Variants in PRKCH observed in about 807,000 individuals in gnomAD.
The protein encoded by PRKCH is protein kinase C eta.
In PRKCH, 28 loss-of-function variants were observed where a neutral mutation model predicts 82.5. The observed-to-expected ratio is 0.34, with a 90% CI of 0.25 to 0.47. The LOEUF (loss-of-function observed/expected upper bound fraction) is 0.47. Ranked by LOEUF, PRKCH falls within the 20% of genes least tolerant of loss-of-function variation. The pLI is 1.00. For missense variants in PRKCH, 705 were observed against 881.8 expected (o/e 0.80, Z 2.54); for synonymous variants, 322 against 327.4 (o/e 0.98, Z 0.18).
intron 1 of PRKCH, among the ~76,000 whole-genome samples, chr14:61,338,664 A>G (rs1040664692): frequency 6.6e-6 from 1 of 152,190 alleles, no homozygotes; most frequent in Non-Finnish European, 1.5e-5. Flanking sequence ...AACAAGATCT[A>G]GGTACAACTG....
At chr14:61,189,377 A>T (rs543343777) in intron 1 of PRKCH, among the ~76,000 whole-genome samples, 23 of 132,690 alleles carry the variant, frequency 1.7e-4, no homozygotes, top group Non-Finnish European at 3.0e-4. Flanking sequence ...CAAAGGGGGG[A>T]TGGAAGTGTG....
intron 1 of PRKCH, among the ~76,000 whole-genome samples, chr14:61,263,666 C>G (rs560918920): frequency 2.0e-5 from 3 of 152,132 alleles, no homozygotes; most frequent in South Asian, 2.1e-4. Context: ...TATATATAAG[C>G]ATAAATGTCT....
intron 6 of PRKCH, among the ~76,000 whole-genome samples, chr14:61,452,169 C>T (rs1884541696): frequency 6.6e-6 from 1 of 152,142 alleles, no homozygotes; most frequent in Non-Finnish European, 1.5e-5. Context: ...CCTTTATGGT[C>T]ACTTGGTGGT....
intron 1 of PRKCH, among the ~76,000 whole-genome samples, chr14:61,291,214 C>T (rs528923338): frequency 1.3e-5 from 2 of 151,952 alleles, no homozygotes; most frequent in East Asian, 1.9e-4. Context: ...GGTATATGTG[C>T]ATAAGTTTTA....
chr14:61,208,888 G>A (rs1384289738), intron 1 of PRKCH, among the ~76,000 whole-genome samples: 2 of 152,142 alleles, frequency 1.3e-5, no homozygotes, highest in African/African-American at 4.8e-5. Flanking sequence ...GCCTTTGGGG[G>A]ATAATTAGGT....
chr14:61,488,436 A>T (rs989066816), intron 10 of PRKCH, among the ~76,000 whole-genome samples: 4 of 152,178 alleles, frequency 2.6e-5, no homozygotes, highest in African/African-American at 9.7e-5. Context: ...TAGTGTCCAC[A>T]CTGTTCCGAT....
intron 10 of PRKCH, among the ~76,000 whole-genome samples, chr14:61,522,844 T>C (rs1409589965): frequency 6.6e-6 from 1 of 152,198 alleles, no homozygotes; most frequent in East Asian, 1.9e-4. Context: ...TAAAGAATGG[T>C]TGGGTGGGTG....
intron 2 of PRKCH, among the ~76,000 whole-genome samples, chr14:61,440,846 C>G (rs543751824): frequency 2.9e-4 from 44 of 151,666 alleles, no homozygotes; most frequent in Non-Finnish European, 5.7e-4. Context: ...TGCACTCCAG[C>G]CTGGTGACAG....
At chr14:61,485,354 T>A in intron 9 of PRKCH, 148 bp from the exon 10 acceptor site, 3 of 1,037,424 alleles carry the variant, frequency 2.9e-6, no homozygotes, top group Non-Finnish European at 4.2e-6. Flanking sequence ...CCGGTTGCAC[T>A]GCACCCTGAC....
At chr14:61,416,030 TC>T (rs1246372723) in intron 2 of PRKCH, among the ~76,000 whole-genome samples, 1 of 148,148 alleles carries the variant, frequency 6.8e-6, no homozygotes, top group Non-Finnish European at 1.5e-5. Flanking sequence ...CTCCCTTGCC[TC>T]TTTTTTCTTT....
intron 1 of PRKCH, among the ~76,000 whole-genome samples, chr14:61,248,355 G>T (rs370251040): frequency 6.6e-6 from 1 of 152,148 alleles, no homozygotes; most frequent in African/African-American, 2.4e-5. Context: ...AAAACTATTT[G>T]CTGCAAGTCA....
intron 1 of PRKCH, among the ~76,000 whole-genome samples, chr14:61,374,780 A>G (rs1020674669): frequency 6.6e-6 from 1 of 152,022 alleles, no homozygotes; most frequent in Non-Finnish European, 1.5e-5. Flanking sequence ...TAGGCCTCCC[A>G]GTCTGTGATG....
chr14:61,450,577 G>A (rs1884458471), intron 5 of PRKCH, among the ~76,000 whole-genome samples: 1 of 152,188 alleles, frequency 6.6e-6, no homozygotes, highest in Admixed American at 6.5e-5. Flanking sequence ...TATGAAAGAT[G>A]AAGTGAAAAT....
At chr14:61,215,088 C>T (rs1210654309) in intron 1 of PRKCH, among the ~76,000 whole-genome samples, 3 of 152,172 alleles carry the variant, frequency 2.0e-5, no homozygotes, top group Admixed American at 6.5e-5. Flanking sequence ...GACCCTAGCA[C>T]AGTGATTAAA....
chr14:61,272,543 G>A (rs1349108939), intron 1 of PRKCH, among the ~76,000 whole-genome samples: 3 of 151,504 alleles, frequency 2.0e-5, no homozygotes, highest in African/African-American at 7.3e-5. Flanking sequence ...TAGTAGAGAC[G>A]GGGTTTCACC....
In PRKCH at chr14:61,280,335, C is replaced by T. The variant is rs1201236590; in HGVS notation, c.-19+92667C>T. 1.2e-6 allele frequency: 2 copies of T among 1,613,924 alleles called. No individual in the cohort carries two copies. Among genetic ancestry groups the T allele is most frequent in the East Asian group, 2.2e-5 (1 of 44,874 alleles). ...GCGGCAGCCCGGCCGAGTAGTTGCC[C>T]TGGCGGATGCGCGCGTACAGTTTGC... On this transcript the variant is annotated intron_variant, in intron 1 of 3. Coordinates refer to the PRKCH transcript ENST00000555185. The surrounding 1 kb of genome is among the most constrained non-coding windows in gnomAD (Gnocchi z 5.0).
intron 1 of PRKCH, among the ~76,000 whole-genome samples, chr14:61,341,612 A>C (rs941587454): frequency 3.9e-5 from 6 of 152,174 alleles, no homozygotes; most frequent in Admixed American, 3.9e-4. Context: ...GAGTTTAGGA[A>C]TAGGAATGGG....
chr14:61,511,736 G>A (rs17098632), intron 10 of PRKCH, among the ~76,000 whole-genome samples: 12,037 of 152,224 alleles, frequency 0.079, 887 homozygotes, highest in African/African-American at 0.19. Context: ...GCTTCCTGGC[G>A]CTTGTGACCT....
At chr14:61,279,343 C>G (rs1012603821) in intron 1 of PRKCH, 1 of 152,182 alleles carries the variant, frequency 6.6e-6, no homozygotes, top group Non-Finnish European at 1.5e-5. Flanking sequence ...CAGACCAAAC[C>G]TGGAACATCA....
Sources: allele counts gnomAD v4.1 joint callset (sites outside exome capture counted in the v4.1 genomes callset), GRCh38; gene constraint gnomAD v4.1.1; non-coding constraint Gnocchi (gnomAD v3.1); transcripts MANE v1.5; gene names NCBI Gene and HGNC (gene_info 2026-07-23, HGNC 2026-07-21).